Variants in PPFIA3 observed in about 807,000 individuals in gnomAD.
The protein encoded by PPFIA3 is PPFI scaffold protein A3, also known as liprin-alpha-3.
PPFIA3 carries 26 observed loss-of-function variants against 145.8 expected under a neutral mutation model. That is an observed-to-expected ratio of 0.18 (90% CI 0.13 to 0.25). The LOEUF is 0.25. Among genes scored for constraint, PPFIA3 ranks in the 10% least tolerant of loss-of-function variants. The pLI is 1.00. For synonymous variants in PPFIA3, 645 were observed against 661.4 expected, an observed-to-expected ratio of 0.98 and a Z score of 0.38; for missense variants, 1,008 against 1,587.8, an observed-to-expected ratio of 0.63 and a Z score of 6.21.
chr19:49,138,331 C>A lies in PPFIA3; in HGVS notation c.1980C>A (p.Thr660=). The A allele has an allele frequency of 6.2e-7, 1 of 1,612,094 alleles. No homozygotes were observed. Among genetic ancestry groups the A allele is most frequent in the South Asian group, 1.1e-5 (1 of 90,958 alleles). Reference sequence around the variant, plus strand: ...GCTGCTCCCTGCCCCCCTCCCTCACCACCTCTACCCTTGCCAGCCCCTCCC... The same window carrying A: ...GCTGCTCCCTGCCCCCCTCCCTCACAACCTCTACCCTTGCCAGCCCCTCCC... ...RSSCSLPPSL[T]TSTLASPSPP... The change falls in exon 16 of 30, where the codon ACC becomes ACA. Residue 660 remains threonine, a synonymous_variant. Transcript: ENST00000334186.
chr19:49,149,127 G>C lies in PPFIA3; in HGVS notation c.3244G>C (p.Asp1082His). The change falls in exon 26 of 30, where the codon GAC becomes CAC. Residue 1082 changes from aspartate (D) to histidine (H), a missense_variant. By Grantham distance (81) the Asp-to-His change is moderately conservative. Transcript: ENST00000334186. The surrounding 1 kb of genome is among the most constrained non-coding windows in gnomAD (Gnocchi z 5.7). ...CCTGGACGAGACCTTCGACTACTCC[G>C]ACCTGGCCTTGCTCCTGCAGATCCC... Reference protein sequence around the residue: ...LALDETFDYSDLALLLQIPTQ... With the variant: ...LALDETFDYSHLALLLQIPTQ... 6.2e-7 allele frequency: 1 copy of C among 1,614,168 alleles called. No individual in the cohort carries two copies.
chr19:49,131,959 G>A (rs890236434), intron 7 of PPFIA3, among the ~76,000 whole-genome samples: 4 of 146,738 alleles, frequency 2.7e-5, no homozygotes, highest in African/African-American at 5.1e-5. Context: ...GCAGTGAGCC[G>A]AGATAGTGCC....
intron 19 of PPFIA3, among the ~76,000 whole-genome samples, 175 bp downstream of exon 19, chr19:49,141,688 G>C (rs1474002243): frequency 2.6e-5 from 4 of 151,798 alleles, no homozygotes; most frequent in African/African-American, 9.7e-5. Context: ...GCTGGGAGGA[G>C]GTGTCCGTGA....
At position 49,149,261 on chromosome 19, in the gene PPFIA3, G is replaced by A; in HGVS notation, c.3290G>A (p.Arg1097Gln). ...LQIPTQNAQARQLLEKEFSNL... is the reference protein window; with the variant it reads ...LQIPTQNAQAQQLLEKEFSNL... ...CCCTCCACCTCCTCTTTCCAGGCCC[G>A]GCAGCTTCTGGAGAAGGAATTCAGC... The change falls in exon 27 of 30, where the codon CGG (arginine) becomes CAG (glutamine). Residue 1097 changes from arginine (R) to glutamine (Q), a missense_variant. Physicochemically the swap from Arg to Gln is conservative, Grantham distance 43. Transcript: ENST00000334186. The surrounding 1 kb of genome is among the most constrained non-coding windows in gnomAD (Gnocchi z 5.7). 6.2e-7 allele frequency: 1 copy of A among 1,614,176 alleles called. No individual in the cohort carries two copies. Among genetic ancestry groups the A allele is most frequent in the Non-Finnish European group, 8.5e-7 (1 of 1,180,044 alleles).
chr19:49,131,344 T>C (rs1290518381), intron 7 of PPFIA3, among the ~76,000 whole-genome samples: 1 of 147,426 alleles, frequency 6.8e-6, no homozygotes, highest in East Asian at 2.0e-4. Context: ...AATTTTTTTT[T>C]TTTTTTTTTT....
intron 15 of PPFIA3, among the ~76,000 whole-genome samples, chr19:49,137,658 A>AAAAAAAAAAAAAAAAAAAAAG (rs2041157099): frequency 8.2e-6 from 1 of 122,260 alleles, no homozygotes; most frequent in Non-Finnish European, 1.7e-5. Flanking sequence ...AAAAAAAAAA[A>AAAAAAAAAAAAAAAAAAAAAG]GTCCCCAACT....
chr19:49,142,169 C>T, intron 20 of PPFIA3, 54 bp downstream of exon 20: 1 of 1,493,814 alleles, frequency 6.7e-7, no homozygotes, highest in Non-Finnish European at 9.1e-7. Context: ...TCTGACAGCC[C>T]CACTGGTAGG....
intron 1 of PPFIA3, among the ~76,000 whole-genome samples, chr19:49,121,834 G>A (rs573405043): frequency 1.7e-4 from 26 of 149,024 alleles, no homozygotes; most frequent in Admixed American, 1.2e-3. Context: ...TGGGGGTTTC[G>A]CCATGTTGCC....
intron 20 of PPFIA3, 73 bp from the exon 21 acceptor site, chr19:49,142,731 T>G (rs2041238787): frequency 9.1e-6 from 9 of 988,860 alleles, no homozygotes; most frequent in Non-Finnish European, 7.4e-6. Flanking sequence ...CCCACCTCCC[T>G]GTTCCCCCAT....
intron 13 of PPFIA3, 113 bp downstream of exon 13, chr19:49,135,028 T>TCTTG: frequency 2.6e-6 from 2 of 781,770 alleles, no homozygotes; most frequent in South Asian, 4.6e-5. Context: ...ACCCCTCTGT[T>TCTTG]TTTGTTTTTT....
At chr19:49,148,452 C>T (rs2041304232) in intron 24 of PPFIA3, 194 bp downstream of exon 24, 4 of 783,400 alleles carry the variant, frequency 5.1e-6, no homozygotes, top group Admixed American at 2.9e-5. Context: ...CCTGAAATGG[C>T]TTGGCTAGTT....
At chr19:49,122,914 G>T (rs1227175287) in intron 1 of PPFIA3, among the ~76,000 whole-genome samples, 1 of 149,430 alleles carries the variant, frequency 6.7e-6, no homozygotes, top group African/African-American at 2.5e-5. Flanking sequence ...GTAGAGACGG[G>T]GTATCACCGT....
intron 16 of PPFIA3, 47 bp downstream of exon 16, chr19:49,138,474 G>T: frequency 2.1e-6 from 3 of 1,424,192 alleles, no homozygotes; most frequent in Non-Finnish European, 2.8e-6. Flanking sequence ...ATGGGGAGAG[G>T]TCAGAGGCAG....
chr19:49,133,483 G>T lies in PPFIA3; in HGVS notation c.1161+112G>T. On this transcript the variant is annotated intron_variant, in intron 9 of 29. Transcript: ENST00000334186. This position sits in a 1 kb window ranked among gnomAD's most constrained non-coding sequence, Gnocchi z 7.2. Reference sequence around the variant, plus strand: ...CGAGGTCAGAACCCCGGATTTGGGGGAAAGGGTGGGGCCTAGGGGCTGGGA... The same window carrying T: ...CGAGGTCAGAACCCCGGATTTGGGGTAAAGGGTGGGGCCTAGGGGCTGGGA... The T allele has an allele frequency of 7.9e-7, 1 of 1,263,706 alleles. No homozygotes were observed. Among genetic ancestry groups the T allele is most frequent in the Non-Finnish European group, 1.1e-6 (1 of 946,154 alleles). 78.3% of individuals were successfully genotyped at this position (1,263,706 alleles called of 1,614,324 possible).
chr19:49,147,000 G>A (rs2041288256), intron 23 of PPFIA3, among the ~76,000 whole-genome samples: 1 of 152,204 alleles, frequency 6.6e-6, no homozygotes, highest in Non-Finnish European at 1.5e-5. Context: ...GAGGAATTAT[G>A]TTTGACTGTG....
At chr19:49,124,320 T>C (rs1292174245) in intron 1 of PPFIA3, among the ~76,000 whole-genome samples, 1 of 151,614 alleles carries the variant, frequency 6.6e-6, no homozygotes, top group Non-Finnish European at 1.5e-5. Context: ...TGGCCTCCCA[T>C]AGTGCTGGGA....
chr19:49,127,276 G>A (rs1003142537), intron 1 of PPFIA3, among the ~76,000 whole-genome samples: 1 of 150,880 alleles, frequency 6.6e-6, no homozygotes, highest in Non-Finnish European at 1.5e-5. Context: ...CAGCTACTCG[G>A]GAGGCTGAGG....
At chr19:49,141,567 TGAGG>T (rs2041222399) in intron 19 of PPFIA3, 54 bp downstream of exon 19, 3 of 1,436,236 alleles carry the variant, frequency 2.1e-6, no homozygotes, top group African/African-American at 1.7e-5. Flanking sequence ...TGAGAGTGTG[TGAGG>T]GTGTGTGTGT....
chr19:49,148,970 C>T (rs2041311003), intron 25 of PPFIA3, 23 bp from the exon 26 acceptor site: 7 of 1,610,344 alleles, frequency 4.3e-6, no homozygotes, highest in Non-Finnish European at 5.9e-6. Flanking sequence ...AGGGGCACGG[C>T]TGAGGGTCCC....
Sources: allele counts gnomAD v4.1 joint callset (sites outside exome capture counted in the v4.1 genomes callset), GRCh38; gene constraint gnomAD v4.1.1; non-coding constraint Gnocchi (gnomAD v3.1); transcripts MANE v1.5; gene names NCBI Gene and HGNC (gene_info 2026-07-23, HGNC 2026-07-21).